Variants in CCDC85C observed in about 807,000 individuals in gnomAD.
The protein encoded by CCDC85C is coiled-coil domain-containing protein 85C.
Under a neutral mutation model 38.3 loss-of-function variants are expected in CCDC85C, and 18 were observed. The observed-to-expected ratio is 0.47, with a 90% confidence interval of 0.33 to 0.70. The LOEUF (loss-of-function observed/expected upper bound fraction) is 0.70, where lower values mean the gene tolerates loss of function less well. Ranked by LOEUF, CCDC85C falls within the 30% of genes least tolerant of loss-of-function variation. The pLI, the probability that CCDC85C is intolerant of heterozygous loss-of-function variation, is 0.03. For missense variants in CCDC85C, 566 were observed against 621.2 expected (o/e 0.91, Z 0.94); for synonymous variants, 264 against 293.8 (o/e 0.90, Z 1.04).
intron 1 of CCDC85C, among the ~76,000 whole-genome samples, chr14:99,578,738 G>T (rs1233397318): frequency 6.6e-6 from 1 of 152,196 alleles, no homozygotes; most frequent in Non-Finnish European, 1.5e-5. Flanking sequence ...ACGTGTAATC[G>T]GGAGACAGGA....
rs1186254011 is a variant in CCDC85C at position 99,603,552 on chromosome 14, G to A, written c.408C>T (p.Ala136=). ...TGAGCTCCAGGTTCTCGCGCAGCAG[G>A]GCCTCCTGGCGCGCCTCGAGCTCGC... The part of the protein sequence containing the change: ...KLRELEARQE[A]LLRENLELKE... Residue 136 remains alanine, a synonymous_variant, in exon 1 of 6, where the codon GCC becomes GCT. Transcript: ENST00000380243. This position sits in a 1 kb window ranked among gnomAD's most constrained non-coding sequence, Gnocchi z 7.5. 5 of 1,392,480 alleles carry A rather than the reference G, an allele frequency of 3.6e-6. No individual in the cohort carries two copies. Among genetic ancestry groups the A allele is most frequent in the Non-Finnish European group, 4.6e-6 (5 of 1,079,254 alleles). The allele number at this position is 1,392,480 out of a possible 1,614,324, so 86.3% of individuals were successfully genotyped here.
intron 1 of CCDC85C, among the ~76,000 whole-genome samples, chr14:99,538,082 G>A (rs983052453): frequency 2.6e-5 from 4 of 152,194 alleles, no homozygotes; most frequent in South Asian, 2.1e-4. Context: ...GGGTGGAGTC[G>A]GGTGGGGGGT....
At chr14:99,551,208 C>T (rs1243106563) in intron 1 of CCDC85C, among the ~76,000 whole-genome samples, 1 of 152,180 alleles carries the variant, frequency 6.6e-6, no homozygotes, top group Non-Finnish European at 1.5e-5. Flanking sequence ...AGGGTCACAG[C>T]GTACACGGAG....
Position 99,568,108 on chromosome 14 carries a change from G to C in CCDC85C, c.794-32020C>G, listed in dbSNP as rs577366467. Among the ~76,000 whole-genome samples, 15 of 152,254 alleles carry C rather than the reference G, an allele frequency of 9.9e-5. No homozygotes were observed. In the South Asian group the frequency reaches 3.1e-3, roughly 32 times the overall value. ...TCCCTTTAGGCAGAGAGGCAGGAGG[G>C]GCTCAGGCTGGTACAACTGCCCAGT... On this transcript the variant is annotated intron_variant, in intron 1 of 5. Coordinates refer to ENST00000380243, the MANE Select transcript of CCDC85C (RefSeq NM_001144995.2).
chr14:99,523,844 CG>C (rs1897334989), intron 2 of CCDC85C, among the ~76,000 whole-genome samples: 1 of 152,136 alleles, frequency 6.6e-6, no homozygotes, highest in Non-Finnish European at 1.5e-5. Context: ...GCCCTGACCA[CG>C]GCATTAACCC....
In CCDC85C at chr14:99,510,296, G is replaced by A; in HGVS notation, c.*4950C>T. ...ACCAGCCACCGCCGCTGCCACACCG[G>A]CCCCCGCCCCCACCCCCCTCCAGCT... is the stretch of plus-strand genomic sequence containing the variant. On this transcript the variant is annotated 3_prime_UTR_variant, in exon 6 of 6. Coordinates refer to ENST00000380243, the MANE Select transcript of CCDC85C (RefSeq NM_001144995.2). The A allele has an allele frequency of 7.2e-7, 1 of 1,397,866 alleles. No homozygotes were observed. The highest frequency in any genetic ancestry group is 9.6e-7 in the Non-Finnish European group (1 of 1,038,390). 86.6% of individuals were successfully genotyped at this position (1,397,866 alleles called of 1,614,324 possible).
chr14:99,536,332 G>T (rs2139918893), intron 1 of CCDC85C, among the ~76,000 whole-genome samples: 1 of 152,324 alleles, frequency 6.6e-6, no homozygotes. Context: ...GGCCAGCCTT[G>T]CAGGACCCGC....
rs1463491364 is a variant in CCDC85C at position 99,569,016 on chromosome 14, G to C, written c.794-32928C>G. Among the ~76,000 whole-genome samples, 1 of 152,186 alleles carries C rather than the reference G, an allele frequency of 6.6e-6. No homozygotes were observed. Among genetic ancestry groups the C allele is most frequent in the Admixed American group, 6.5e-5 (1 of 15,290 alleles). On this transcript the variant is annotated intron_variant, in intron 1 of 5. Transcript: ENST00000380243. This position sits in a 1 kb window ranked among gnomAD's most constrained non-coding sequence, Gnocchi z 4.3. ...GGCACAGCCCCAGGTCCATGGGCTAGCTGAGGGTTCCTGGGGACCCCAGGA... is the reference window on the plus strand; with the variant it reads ...GGCACAGCCCCAGGTCCATGGGCTACCTGAGGGTTCCTGGGGACCCCAGGA...
intron 1 of CCDC85C, among the ~76,000 whole-genome samples, chr14:99,602,393 G>A (rs529667263): frequency 5.3e-5 from 8 of 152,340 alleles, no homozygotes; most frequent in Admixed American, 1.3e-4. Flanking sequence ...GGCACTTCCT[G>A]TAAGGCGATC....
rs773891711 is a variant in CCDC85C, at chr14:99,502,680, A to G, written c.*12566T>C. On this transcript the variant is annotated 3_prime_UTR_variant, in exon 6 of 6. Transcript: ENST00000380243. ...ATCCAGGTAAAATTTTATTTAAAAT[A>G]CCAATTTGTGTAAAATGTAATTGTT... 16 of 1,587,368 alleles carry G rather than the reference A, an allele frequency of 1.0e-5. No homozygotes were observed. The highest frequency in any genetic ancestry group is 9.0e-5 in the East Asian group (4 of 44,684).
At chr14:99,593,057 G>A (rs1397681990) in intron 1 of CCDC85C, among the ~76,000 whole-genome samples, 1 of 152,220 alleles carries the variant, frequency 6.6e-6, no homozygotes, top group Non-Finnish European at 1.5e-5. Context: ...CTTGGCATGG[G>A]CAGTGTGGCC....
Position 99,504,088 on chromosome 14 carries a change from T to C in CCDC85C, c.*11158A>G. 2.6e-6 allele frequency: 1 copy of C among 388,656 alleles called. No homozygotes were observed. The highest frequency in any genetic ancestry group is 5.1e-6 in the Non-Finnish European group (1 of 195,224). 24.1% of individuals were successfully genotyped at this position (388,656 alleles called of 1,614,324 possible). A position where few individuals can be genotyped will look rare whatever the true frequency, so the allele number is the denominator to read the frequency against. On this transcript the variant is annotated 3_prime_UTR_variant, in exon 6 of 6. Coordinates refer to ENST00000380243, the MANE Select transcript of CCDC85C (RefSeq NM_001144995.2). ...GCTGCCCTTGCAGGCAAGGCCTCTT[T>C]GAAACACACTTGGGTTGAGGTGCTG... is the stretch of plus-strand genomic sequence containing the variant.
intron 1 of CCDC85C, among the ~76,000 whole-genome samples, chr14:99,537,544 G>A (rs1205647838): frequency 1.3e-5 from 2 of 152,156 alleles, no homozygotes; most frequent in East Asian, 3.9e-4. Context: ...AGGTACTGGA[G>A]CCCGGCCCGG....
intron 1 of CCDC85C, among the ~76,000 whole-genome samples, chr14:99,549,255 T>C (rs1383204262): frequency 1.3e-5 from 2 of 152,216 alleles, no homozygotes; most frequent in Non-Finnish European, 2.9e-5. Context: ...GCGGCTGTTC[T>C]AGAAAAGATG....
rs1566768226 is a variant in CCDC85C at position 99,544,490 on chromosome 14, GT to G, written c.794-8403del. 8.2e-5 allele frequency among the ~76,000 whole-genome samples: 10 copies of G among 121,312 alleles called. No homozygotes were observed. The highest frequency in any genetic ancestry group is 4.0e-3 in the Middle Eastern group (1 of 252). The allele number at this position is 121,312 out of a possible 152,430, so 79.6% of individuals were successfully genotyped here. On this transcript the variant is annotated intron_variant, in intron 1 of 5. Transcript: ENST00000380243. The surrounding 1 kb of genome is among the most constrained non-coding windows in gnomAD (Gnocchi z 5.3). The stretch of plus-strand genomic sequence containing the variant: ...TAAAAACAGGGCTAAAATTTGAAGG[GT>G]GTGTGTGTGTGTGTGTGTGTGTGTG...
chr14:99,535,865 C>T lies in CCDC85C; in HGVS notation c.867+150G>A, dbSNP rs1158324214. The T allele has an allele frequency of 1.5e-6, 1 of 661,184 alleles. No individual in the cohort carries two copies. Among genetic ancestry groups the T allele is most frequent in the Non-Finnish European group, 2.7e-6 (1 of 370,634 alleles). The allele number at this position is 661,184 out of a possible 1,614,324, so 41.0% of individuals were successfully genotyped here. ...AGAGGTGTGGGAGCCAGGGTTAGGTCCCTGACCCCACTTTCCAGGAGGTGA... is the reference window on the plus strand; with the variant it reads ...AGAGGTGTGGGAGCCAGGGTTAGGTTCCTGACCCCACTTTCCAGGAGGTGA... On this transcript the variant is annotated intron_variant, in intron 2 of 5. Coordinates refer to ENST00000380243, the MANE Select transcript of CCDC85C (RefSeq NM_001144995.2). The surrounding 1 kb of genome is among the most constrained non-coding windows in gnomAD (Gnocchi z 5.5).
chr14:99,598,351 C>T (rs2055165313), intron 1 of CCDC85C, among the ~76,000 whole-genome samples: 2 of 152,230 alleles, frequency 1.3e-5, no homozygotes, highest in African/African-American at 4.8e-5. Flanking sequence ...TAGGAGCAAC[C>T]ACTGATTTCC....
intron 1 of CCDC85C, among the ~76,000 whole-genome samples, chr14:99,568,172 G>A (rs1033780826): frequency 2.6e-5 from 4 of 151,768 alleles, no homozygotes; most frequent in African/African-American, 4.8e-5. Flanking sequence ...GCCCCGTATT[G>A]GGGAACAAAT....
chr14:99,546,942 G>A (rs946474787), intron 1 of CCDC85C, among the ~76,000 whole-genome samples: 1 of 152,186 alleles, frequency 6.6e-6, no homozygotes, highest in East Asian at 1.9e-4. Flanking sequence ...GCCAATGTGG[G>A]AGGATCGCTT....
Sources: gnomAD v4.1 joint callset for allele counts (sites outside exome capture counted in the v4.1 genomes callset) on GRCh38, gnomAD v4.1.1 for gene constraint, Gnocchi (gnomAD v3.1) non-coding constraint, MANE v1.5 for transcripts, NCBI Gene and HGNC (gene_info 2026-07-23, HGNC 2026-07-21) for gene names.